Variants in MGST1 observed in about 807,000 individuals in gnomAD.
The protein encoded by MGST1 is glutathione S-transferase 12.
In MGST1, 5 loss-of-function variants were observed where a neutral mutation model predicts 8.9. That is an observed-to-expected ratio of 0.56 (90% CI 0.29 to 1.19). The LOEUF (loss-of-function observed/expected upper bound fraction) is 1.19, where lower values mean the gene tolerates loss of function less well. Ranked by LOEUF, MGST1 falls within the 50% of genes most tolerant of loss-of-function variation. The pLI is 0.08. For synonymous variants in MGST1, 54 were observed against 67.8 expected, an observed-to-expected ratio of 0.80 and a Z score of 1.00; for missense variants, 182 against 187.4, an observed-to-expected ratio of 0.97 and a Z score of 0.17.
At chr12:16,473,599 T>C (rs967134577) in intron 4 of MGST1, among the ~76,000 whole-genome samples, 2 of 152,226 alleles carry the variant, frequency 1.3e-5, no homozygotes, top group Admixed American at 6.5e-5. Context: ...TTATTTTTGG[T>C]TGGTTTCTTA....
intron 4 of MGST1, among the ~76,000 whole-genome samples, chr12:16,525,101 C>G (rs1941674952): frequency 2.0e-5 from 3 of 151,450 alleles, no homozygotes; most frequent in Non-Finnish European, 1.5e-5. Context: ...AATAAATTGG[C>G]CTTCTTTCCT....
chr12:16,434,003 C>A (rs1355629101), intron 1 of MGST1, among the ~76,000 whole-genome samples: 2 of 152,104 alleles, frequency 1.3e-5, no homozygotes, highest in Non-Finnish European at 2.9e-5. Context: ...TGCTTCTCTT[C>A]TACAAAACTA....
At chr12:16,395,352 A>G (rs1337554399) in intron 1 of MGST1, among the ~76,000 whole-genome samples, 2 of 152,118 alleles carry the variant, frequency 1.3e-5, no homozygotes, top group African/African-American at 4.8e-5. Context: ...AGTTACATTG[A>G]TCTATGCGTT....
Position 16,482,017 on chromosome 12 carries a change from G to T in MGST1, n.482+98413G>T, listed in dbSNP as rs570547485. On this transcript the variant is annotated intron_variant and non_coding_transcript_variant, in intron 4 of 4. Coordinates refer to the MGST1 transcript ENST00000538857. This position sits in a 1 kb window ranked among gnomAD's most constrained non-coding sequence, Gnocchi z 4.2. ...GAGAAAAGACATTTTACACAGAAAG[G>T]AATAATAAGCAGATTGACAATGTAA... Among the ~76,000 whole-genome samples the T allele has an allele frequency of 8.5e-5, 13 of 152,068 alleles. No homozygotes were observed. The highest frequency in any genetic ancestry group is 3.1e-4 in the African/African-American group (13 of 41,492).
intron 4 of MGST1, among the ~76,000 whole-genome samples, chr12:16,526,324 A>G (rs923387259): frequency 1.3e-5 from 2 of 152,008 alleles, no homozygotes; most frequent in Non-Finnish European, 2.9e-5. Flanking sequence ...TGGCCCACAT[A>G]AAGCTACATG....
chr12:16,403,427 A>G lies in MGST1; in HGVS notation n.778+19823A>G, dbSNP rs565113999. 3.9e-5 allele frequency among the ~76,000 whole-genome samples: 6 copies of G among 152,186 alleles called. No homozygotes were observed. The East Asian group carries it at 5.8e-4, about 15-fold the overall frequency. On this transcript the variant is annotated intron_variant and non_coding_transcript_variant, in intron 1 of 1. Coordinates refer to the MGST1 transcript ENST00000359720. The stretch of plus-strand genomic sequence containing the variant: ...TTCTTTACTGACCATTGTATAGTCA[A>G]TTTTGCAAATGTTCTGCAGATGTTC...
chr12:16,514,385 G>C, intron 4 of MGST1: 1 of 276,698 alleles, frequency 3.6e-6, no homozygotes, highest in South Asian at 3.7e-5. Flanking sequence ...CTCCAGATTT[G>C]TGAAAACAAT....
At chr12:16,543,894 C>T (rs1040374149) in intron 4 of MGST1, among the ~76,000 whole-genome samples, 2 of 151,914 alleles carry the variant, frequency 1.3e-5, no homozygotes, top group Non-Finnish European at 1.5e-5. Flanking sequence ...TGTCAAATAT[C>T]CTTAATTAAG....
intron 4 of MGST1, among the ~76,000 whole-genome samples, chr12:16,520,689 A>G (rs1941642645): frequency 6.6e-6 from 1 of 152,068 alleles, no homozygotes; most frequent in Admixed American, 6.6e-5. Context: ...CCTCATCTCT[A>G]TTATGTTCAC....
chr12:16,368,265 T>G (rs1326373372), downstream of MGST1, among the ~76,000 whole-genome samples: 1 of 152,212 alleles, frequency 6.6e-6, no homozygotes, highest in Non-Finnish European at 1.5e-5. Flanking sequence ...TAGGGAATCC[T>G]GATGGGTTCT....
At chr12:16,398,350 C>A (rs538675428) in intron 1 of MGST1, among the ~76,000 whole-genome samples, 1 of 152,122 alleles carries the variant, frequency 6.6e-6, no homozygotes, top group Non-Finnish European at 1.5e-5. Context: ...CAGGACAATG[C>A]AAGACAAAGT....
downstream of MGST1, among the ~76,000 whole-genome samples, chr12:16,377,854 G>T (rs1484157390): frequency 6.6e-6 from 1 of 150,622 alleles, no homozygotes; most frequent in Non-Finnish European, 1.5e-5. Flanking sequence ...GGTGTGAGAT[G>T]GTATCTCATT....
At chr12:16,543,289 AT>A (rs1011344045) in intron 4 of MGST1, among the ~76,000 whole-genome samples, 1 of 151,894 alleles carries the variant, frequency 6.6e-6, no homozygotes, top group South Asian at 2.1e-4. Context: ...CTCAAAACAA[AT>A]TTTTTTTGAG....
intron 3 of MGST1, among the ~76,000 whole-genome samples, chr12:16,373,423 CAAAG>C (rs1024136238): frequency 2.8e-4 from 43 of 151,326 alleles, no homozygotes; most frequent in African/African-American, 1.0e-3. Context: ...GTTCCTAACA[CAAAG>C]AAATGATAAA....
chr12:16,349,149 CAT>C (rs1264476192), intron 1 of MGST1: 6 of 152,246 alleles, frequency 3.9e-5, no homozygotes, highest in East Asian at 1.9e-4. Context: ...TTCTTTATCT[CAT>C]GTGTAGTGTT....
At chr12:16,367,150 G>A (rs1038159444), downstream of MGST1, among the ~76,000 whole-genome samples, 5 of 152,120 alleles carry the variant, frequency 3.3e-5, no homozygotes, top group African/African-American at 1.2e-4. Flanking sequence ...TACTCTGGAG[G>A]CAGGTGTTGG....
rs943237809 is a variant in MGST1 at position 16,389,352 on chromosome 12, G to C, written n.778+5748G>C. On this transcript the variant is annotated intron_variant and non_coding_transcript_variant, in intron 1 of 1. Transcript: ENST00000359720. The surrounding 1 kb of genome is among the most constrained non-coding windows in gnomAD (Gnocchi z 4.6). ...TTGCCTAAAAATAATGTTGAGAATA[G>C]TGGTTAAGTGTCCTGTTTTGCTTAT... 6.6e-6 allele frequency among the ~76,000 whole-genome samples: 1 copy of C among 152,222 alleles called. No homozygotes were observed. The highest frequency in any genetic ancestry group is 2.4e-5 in the African/African-American group (1 of 41,456).
chr12:16,514,667 G>A (rs1369988252), intron 4 of MGST1, among the ~76,000 whole-genome samples: 1 of 152,222 alleles, frequency 6.6e-6, no homozygotes, highest in Non-Finnish European at 1.5e-5. Context: ...AGGTCACCAA[G>A]TAATGTCCCT....
At chr12:16,542,999 TC>T (rs1565472208) in intron 4 of MGST1, among the ~76,000 whole-genome samples, 2 of 152,164 alleles carry the variant, frequency 1.3e-5, no homozygotes, top group African/African-American at 4.8e-5. Context: ...ACAGAATAAA[TC>T]ACTTCCTCCT....
Sources: allele counts gnomAD v4.1 joint callset (sites outside exome capture counted in the v4.1 genomes callset), GRCh38; gene constraint gnomAD v4.1.1; non-coding constraint Gnocchi (gnomAD v3.1); transcripts MANE v1.5; gene names NCBI Gene and HGNC (gene_info 2026-07-23, HGNC 2026-07-21).